The following UTRN variants were observed in gnomAD, a reference collection of about 807,000 sequenced individuals.
The protein encoded by UTRN is dystrophin-related protein 1.
Under a neutral mutation model 463.9 loss-of-function variants are expected in UTRN, and 283 were observed. That is an observed-to-expected ratio of 0.61 (90% CI 0.55 to 0.67). The LOEUF (loss-of-function observed/expected upper bound fraction) is 0.67, where lower values mean the gene tolerates loss of function less well. UTRN is among the 30% of genes least tolerant of loss of function. The pLI is 0.00. For missense variants in UTRN, 3,922 were observed against 4,084.3 expected (o/e 0.96, Z 1.08); for synonymous variants, 1,442 against 1,431.5 (o/e 1.01, Z -0.17).
intron 51 of UTRN, among the ~76,000 whole-genome samples, chr6:144,625,421 A>G (rs1014325451): frequency 1.3e-5 from 2 of 152,152 alleles, no homozygotes; most frequent in Non-Finnish European, 2.9e-5. Context: ...TTTGTGAGGT[A>G]TTTATCTGCA....
rs985154912 is a variant in UTRN, at chr6:144,459,303, TACCAAGC to T, written c.2657_2663del (p.Tyr886LeufsTer6). Reference sequence around the variant, plus strand: ...GGGCTTCGATAGCTTTCTGGGCCGCTACCAAGCTGTACAAGAGGCTGTAGAGGATCGT... The same window carrying T: ...GGGCTTCGATAGCTTTCTGGGCCGCTTGTACAAGAGGCTGTAGAGGATCGT... On this transcript the variant is annotated frameshift_variant, in exon 21 of 75. Transcript: ENST00000367545. LOFTEE classifies it high-confidence loss of function. 6.2e-7 allele frequency: 1 copy of T among 1,614,016 alleles called. No individual in the cohort carries two copies. The highest frequency in any genetic ancestry group is 8.5e-7 in the Non-Finnish European group (1 of 1,179,930).
intron 2 of UTRN, among the ~76,000 whole-genome samples, chr6:144,352,212 A>T (rs936663404): frequency 5.9e-5 from 9 of 152,180 alleles, no homozygotes; most frequent in Admixed American, 5.2e-4. Flanking sequence ...AGACCCACTG[A>T]TTGTTAATCA....
intron 60 of UTRN, among the ~76,000 whole-genome samples, chr6:144,781,562 A>G (rs1180407025): frequency 6.6e-6 from 1 of 152,172 alleles, no homozygotes; most frequent in Non-Finnish European, 1.5e-5. Flanking sequence ...AATATTTGAG[A>G]TGCGCTGCCA....
At chr6:144,387,629 C>T (rs1781529229) in intron 2 of UTRN, among the ~76,000 whole-genome samples, 1 of 152,210 alleles carries the variant, frequency 6.6e-6, no homozygotes, top group Non-Finnish European at 1.5e-5. Flanking sequence ...AGAATTAGCA[C>T]TCTTTTTCAC....
At chr6:144,461,427 A>G in intron 22 of UTRN, 85 bp downstream of exon 22, 3 of 1,335,012 alleles carry the variant, frequency 2.2e-6, no homozygotes, top group Non-Finnish European at 2.9e-6. Flanking sequence ...TCAGAGATTA[A>G]AAAAAAAGTT....
chr6:144,562,091 A>C (rs1446656486), intron 50 of UTRN, among the ~76,000 whole-genome samples: 1 of 152,190 alleles, frequency 6.6e-6, no homozygotes, highest in Non-Finnish European at 1.5e-5. Context: ...GAATTATCAC[A>C]GTTGCTGAAT....
rs187326094 is a variant in UTRN, at chr6:144,386,776, A to T, written c.80-16347A>T. Among the ~76,000 whole-genome samples the T allele has an allele frequency of 2.3e-3, 347 of 152,248 alleles. 1 individual carries two copies. Among genetic ancestry groups the T allele is most frequent in the Middle Eastern group, 0.014 (4 of 294 alleles). On this transcript the variant is annotated intron_variant, in intron 2 of 74. Transcript: ENST00000367545. ...CATTTTAGCGGATGTGCAATTTTAC[A>T]AATTTAATTATTAAAATGACTCTTC...
At chr6:144,842,349 G>A (rs1219420041) in intron 73 of UTRN, among the ~76,000 whole-genome samples, 1 of 152,098 alleles carries the variant, frequency 6.6e-6, no homozygotes, top group African/African-American at 2.4e-5. Context: ...GCAGGCTGAG[G>A]CAGGTGGATC....
At chr6:144,439,223 A>T (rs1786887834) in intron 12 of UTRN, among the ~76,000 whole-genome samples, 1 of 152,206 alleles carries the variant, frequency 6.6e-6, no homozygotes, top group Admixed American at 6.5e-5. Context: ...GTGAAGAGCA[A>T]ATTCTTCGTC....
At chr6:144,762,958 T>A (rs553114608) in intron 58 of UTRN, among the ~76,000 whole-genome samples, 1 of 152,334 alleles carries the variant, frequency 6.6e-6, no homozygotes, top group South Asian at 2.1e-4. Context: ...TCAGTAAGCC[T>A]TTAGTCTTGC....
intron 58 of UTRN, among the ~76,000 whole-genome samples, chr6:144,760,286 C>T (rs780851557): frequency 4.0e-5 from 6 of 151,860 alleles, no homozygotes; most frequent in Non-Finnish European, 7.4e-5. Flanking sequence ...ACCTGGCTTC[C>T]CATTGGCTAG....
chr6:144,561,317 CAT>C (rs202208383), intron 50 of UTRN, among the ~76,000 whole-genome samples: 232 of 143,668 alleles, frequency 1.6e-3, no homozygotes, highest in African/African-American at 5.5e-3. Flanking sequence ...TATACATACA[CAT>C]ATATGTGTGT....
intron 58 of UTRN, among the ~76,000 whole-genome samples, chr6:144,766,252 A>ATCTAACATATGAATTAGTTTTG (rs1371932578): frequency 6.6e-6 from 1 of 152,142 alleles, no homozygotes; most frequent in Non-Finnish European, 1.5e-5. Flanking sequence ...TATAAATTCC[A>ATCTAACATATGAATTAGTTTTG]AAGTAAGTAC....
intron 50 of UTRN, among the ~76,000 whole-genome samples, chr6:144,572,444 A>G (rs1399488608): frequency 1.3e-5 from 2 of 152,120 alleles, no homozygotes; most frequent in Non-Finnish European, 2.9e-5. Flanking sequence ...GGTTTGTTAC[A>G]TAGGTATACA....
intron 46 of UTRN, 34 bp from the exon 47 acceptor site, chr6:144,548,606 A>T (rs375164567): frequency 4.1e-5 from 65 of 1,584,778 alleles, no homozygotes; most frequent in Non-Finnish European, 5.4e-5. Flanking sequence ...CATCCTGTTG[A>T]TTAATTTCTC....
At chr6:144,346,191 A>T (rs940729880) in intron 2 of UTRN, among the ~76,000 whole-genome samples, 9 of 151,444 alleles carry the variant, frequency 5.9e-5, no homozygotes, top group African/African-American at 2.2e-4. Flanking sequence ...AAAAAAAAAA[A>T]TAAAATAAAA....
chr6:144,718,885 C>G (rs1298690304), intron 53 of UTRN, among the ~76,000 whole-genome samples: 1 of 152,190 alleles, frequency 6.6e-6, no homozygotes, highest in Non-Finnish European at 1.5e-5. Context: ...GGCTGCAGCT[C>G]ATGCTGGTGG....
chr6:144,582,773 C>T (rs868519116), intron 51 of UTRN, among the ~76,000 whole-genome samples: 4 of 152,264 alleles, frequency 2.6e-5, no homozygotes, highest in Admixed American at 6.5e-5. Context: ...GTGTCTTAGT[C>T]ATATAACCCC....
chr6:144,728,981 T>G (rs1227101690), intron 53 of UTRN, among the ~76,000 whole-genome samples: 2 of 152,184 alleles, frequency 1.3e-5, no homozygotes, highest in African/African-American at 4.8e-5. Flanking sequence ...TCCAGTATGC[T>G]TACCATGTTA....
Sources: allele counts gnomAD v4.1 joint callset (sites outside exome capture counted in the v4.1 genomes callset), GRCh38; gene constraint gnomAD v4.1.1; transcripts MANE v1.5; gene names NCBI Gene and HGNC (gene_info 2026-07-23, HGNC 2026-07-21).